The following DNMT3A variants were observed in gnomAD, a reference collection of about 807,000 sequenced individuals.
DNMT3A encodes DNA (cytosine-5)-methyltransferase 3A.
DNMT3A carries 267 observed loss-of-function variants against 117.6 expected under a neutral mutation model. The observed-to-expected ratio is 2.27, with a 90% confidence interval of 2.05 to 2.51. The LOEUF (loss-of-function observed/expected upper bound fraction) is 2.51, where lower values mean the gene tolerates loss of function less well. Ranked by LOEUF, DNMT3A falls within the 30% of genes most tolerant of loss-of-function variation. The probability of loss-of-function intolerance (pLI) is 0.00; values close to 1 mark genes in which losing one functional copy is unlikely to be tolerated. For missense variants in DNMT3A, 1,029 were observed against 1,260.2 expected (o/e 0.82, Z 2.78); for synonymous variants, 432 against 474.8 (o/e 0.91, Z 1.17).
rs539071005 is a variant in DNMT3A at position 25,314,238 on chromosome 2, C to T, written c.-177-77G>A. On this transcript the variant is annotated intron_variant, in intron 1 of 22. Coordinates refer to ENST00000321117, the MANE Select transcript of DNMT3A (RefSeq NM_022552.5). ...GTCAGGCCCTCAGCCCAGGGCCACACCTGGCCTGTGAGGCCTGGGGTGTTG... is the reference window on the plus strand; with the variant it reads ...GTCAGGCCCTCAGCCCAGGGCCACATCTGGCCTGTGAGGCCTGGGGTGTTG... 705 of 1,360,074 alleles carry T rather than the reference C, an allele frequency of 5.2e-4. 1 individual carries two copies. Among genetic ancestry groups the T allele is most frequent in the Non-Finnish European group, 6.0e-4 (636 of 1,058,700 alleles). 84.3% of individuals were successfully genotyped at this position (1,360,074 alleles called of 1,614,324 possible).
chr2:25,251,940 T>C (rs1675614205), intron 6 of DNMT3A: 1 of 489,700 alleles, frequency 2.0e-6, no homozygotes, highest in Non-Finnish European at 3.6e-6. Context: ...CCGGCTGCTC[T>C]TCCTGTCCCC....
In DNMT3A at chr2:25,304,755, C is replaced by A. The variant is rs1482362009; in HGVS notation, c.73-4512G>T. ...ACACTGTGGTCCCAACAGACAGCACCAAGCGCGAAAGCAAACTGCTTCCGG... is the reference window on the plus strand; with the variant it reads ...ACACTGTGGTCCCAACAGACAGCACAAAGCGCGAAAGCAAACTGCTTCCGG... On this transcript the variant is annotated intron_variant, in intron 2 of 22. Transcript: ENST00000321117. The surrounding 1 kb of genome is among the most constrained non-coding windows in gnomAD (Gnocchi z 4.3). Among the ~76,000 whole-genome samples, 1 of 152,244 alleles carries A rather than the reference C, an allele frequency of 6.6e-6. No homozygotes were observed. Among genetic ancestry groups the A allele is most frequent in the Non-Finnish European group, 1.5e-5 (1 of 68,044 alleles).
At chr2:25,259,866 A>G (rs1027484186) in intron 6 of DNMT3A, among the ~76,000 whole-genome samples, 1 of 152,180 alleles carries the variant, frequency 6.6e-6, no homozygotes, top group Non-Finnish European at 1.5e-5. Context: ...TGCGGTAACT[A>G]TTGCTGAAAA....
intron 1 of DNMT3A, among the ~76,000 whole-genome samples, chr2:25,319,674 T>G (rs566687207): frequency 9.2e-5 from 14 of 152,224 alleles, no homozygotes; most frequent in African/African-American, 2.4e-4. Flanking sequence ...TGCCCTCTGC[T>G]GTCGAACTGT....
Position 25,281,558 on chromosome 2 carries a change from A to G in DNMT3A, c.448+883T>C. 3 of 1,062,776 alleles carry G rather than the reference A, an allele frequency of 2.8e-6. No individual in the cohort carries two copies. The highest frequency in any genetic ancestry group is 3.4e-6 in the Non-Finnish European group (3 of 877,650). 65.8% of individuals were successfully genotyped at this position (1,062,776 alleles called of 1,614,324 possible). ...AATTAATCAATTTACTCATTTCATC[A>G]TACACGCTTGGAAGGAAGACTTTTT... On this transcript the variant is annotated intron_variant, in intron 4 of 22. Coordinates refer to ENST00000321117, the MANE Select transcript of DNMT3A (RefSeq NM_022552.5). This position sits in a 1 kb window ranked among gnomAD's most constrained non-coding sequence, Gnocchi z 4.8.
chr2:25,277,734 T>C (rs1266884390), intron 4 of DNMT3A, among the ~76,000 whole-genome samples: 2 of 152,140 alleles, frequency 1.3e-5, no homozygotes, highest in East Asian at 3.9e-4. Context: ...TGAGTACTTG[T>C]TCAGCACTTA....
At chr2:25,240,854 G>A (rs1673945677) in intron 17 of DNMT3A, 124 bp from the exon 18 acceptor site, 4 of 863,514 alleles carry the variant, frequency 4.6e-6, no homozygotes, top group Non-Finnish European at 7.3e-6. Flanking sequence ...AGACCCAGCT[G>A]CTCTGCAGGC....
rs1431844401 is a variant in DNMT3A at position 25,228,406 on chromosome 2, C to T, written c.*5873G>A. 6.6e-6 allele frequency: 1 copy of T among 151,562 alleles called. No individual in the cohort carries two copies. The highest frequency in any genetic ancestry group is 2.4e-5 in the African/African-American group (1 of 41,198). 9.4% of individuals were successfully genotyped at this position (151,562 alleles called of 1,614,324 possible). ...GGAATGTGGAGTAAAAGTGCTCTGC[C>T]ACCGGGGTCAAAGCGAAATCGTCTG... is the stretch of plus-strand genomic sequence containing the variant. On this transcript the variant is annotated 3_prime_UTR_variant, in exon 23 of 23. Transcript: ENST00000321117.
rs1473774283 is a variant in DNMT3A at position 25,228,854 on chromosome 2, C to CA, written c.*5424dup. On this transcript the variant is annotated 3_prime_UTR_variant, in exon 23 of 23. Transcript: ENST00000321117. ...CTAGGGGATGCTTTAGACCGCTGCT[C>CA]ATGTTCTCAGGCACAGGGTTGGAGG... 6.6e-6 allele frequency: 1 copy of CA among 152,236 alleles called. No individual in the cohort carries two copies. The highest frequency in any genetic ancestry group is 1.9e-4 in the East Asian group (1 of 5,196). 9.4% of individuals were successfully genotyped at this position (152,236 alleles called of 1,614,324 possible).
chr2:25,338,093 G>C (rs935766420), intron 1 of DNMT3A, among the ~76,000 whole-genome samples: 1 of 152,228 alleles, frequency 6.6e-6, no homozygotes, highest in Non-Finnish European at 1.5e-5. Flanking sequence ...CGAGCACCAA[G>C]TCCAGGACCC....
In DNMT3A at chr2:25,274,955, G is replaced by C. The variant is rs2031271870; in HGVS notation, c.625C>G (p.Arg209Gly). 1 of 1,611,664 alleles carries C rather than the reference G, an allele frequency of 6.2e-7. No homozygotes were observed. Among genetic ancestry groups the C allele is most frequent in the Non-Finnish European group, 8.5e-7 (1 of 1,178,286 alleles). ...SKRKRDEWLA[R>G]WKREAEKKAK... ...AGGCGCCTCACCTCCCTTTTCCAGC[G>C]TGCCAGCCACTCGTCCCGCTTGCGC... The change falls in exon 6 of 23, where the codon CGC becomes GGC. Residue 209 changes from arginine to glycine, a missense_variant. Transcript: ENST00000321117.
In DNMT3A at chr2:25,339,142, T is replaced by TA. The variant is rs766143471; in HGVS notation, c.-178+2683_-178+2684insT. ...CTCCTTGGAAGCCTTCCCCTATTAC[T>TA]GCCATGTGCCGAAAAACAGACCACC... is the stretch of plus-strand genomic sequence containing the variant. On this transcript the variant is annotated intron_variant, in intron 1 of 22. Coordinates refer to ENST00000321117, the MANE Select transcript of DNMT3A (RefSeq NM_022552.5). This position sits in a 1 kb window ranked among gnomAD's most constrained non-coding sequence, Gnocchi z 4.9. Among the ~76,000 whole-genome samples the TA allele has an allele frequency of 7.9e-5, 12 of 151,968 alleles. No homozygotes were observed. The highest frequency in any genetic ancestry group is 1.8e-4 in the Non-Finnish European group (12 of 67,990).
In DNMT3A at chr2:25,257,989, G is replaced by A. The variant is rs1243174525; in HGVS notation, c.640-9737C>T. 6.6e-6 allele frequency among the ~76,000 whole-genome samples: 1 copy of A among 152,168 alleles called. No individual in the cohort carries two copies. Among genetic ancestry groups the A allele is most frequent in the Non-Finnish European group, 1.5e-5 (1 of 68,034 alleles). ...GAAGGAGATGGAGGTCAGCTCCCTC[G>A]GGGCATGCGTCCCAGGTGAGCCCTC... On this transcript the variant is annotated intron_variant, in intron 6 of 22. Coordinates refer to ENST00000321117, the MANE Select transcript of DNMT3A (RefSeq NM_022552.5). This position sits in a 1 kb window ranked among gnomAD's most constrained non-coding sequence, Gnocchi z 4.8.
rs1573283086 is a variant in DNMT3A at position 25,228,026 on chromosome 2, T to G, written c.*6253A>C. 6.6e-6 allele frequency: 1 copy of G among 151,174 alleles called. No individual in the cohort carries two copies. The highest frequency in any genetic ancestry group is 6.6e-5 in the Admixed American group (1 of 15,196). The allele number at this position is 151,174 out of a possible 1,614,324, so 9.4% of individuals were successfully genotyped here. A position where few individuals can be genotyped will look rare whatever the true frequency, so the allele number is the denominator to read the frequency against. On this transcript the variant is annotated 3_prime_UTR_variant, in exon 23 of 23. Coordinates refer to ENST00000321117, the MANE Select transcript of DNMT3A (RefSeq NM_022552.5). ...TCTACATCTGTTGTACGCATTGACC[T>G]CTTTAATTATTTCATAAACAGCTAT... is the stretch of plus-strand genomic sequence containing the variant.
chr2:25,286,905 CTTG>C lies in DNMT3A; in HGVS notation c.178-4197_178-4195del, dbSNP rs892303412. 6.6e-5 allele frequency among the ~76,000 whole-genome samples: 10 copies of C among 152,222 alleles called. No homozygotes were observed. The highest frequency in any genetic ancestry group is 2.4e-4 in the African/African-American group (10 of 41,456). On this transcript the variant is annotated intron_variant, in intron 3 of 22. Transcript: ENST00000321117. This position sits in a 1 kb window ranked among gnomAD's most constrained non-coding sequence, Gnocchi z 4.3. ...CCCCTCCTTTCCCCTGTCTCCACAGCTTGTTGACCTCTGGAGGGCAGAGACTTT... is the reference window on the plus strand; with the variant it reads ...CCCCTCCTTTCCCCTGTCTCCACAGCTTGACCTCTGGAGGGCAGAGACTTT...
rs2035464973 is a variant in DNMT3A at position 25,341,719 on chromosome 2, C to G, written c.-178+107G>C. The G allele has an allele frequency of 8.7e-6, 7 of 803,968 alleles. No individual in the cohort carries two copies. In the South Asian group the frequency reaches 2.2e-4, roughly 26 times the overall value. 49.8% of individuals were successfully genotyped at this position (803,968 alleles called of 1,614,324 possible). ...GCGCCGAGTTGCAGGGGTCCGGGAG[C>G]GTGCCCCGAGCCGGGCACTGCCAGC... On this transcript the variant is annotated intron_variant, in intron 1 of 22. Transcript: ENST00000321117.
Position 25,313,993 on chromosome 2 carries a change from C to A in DNMT3A, c.-9G>T. On this transcript the variant is annotated 5_prime_UTR_variant, in exon 2 of 23. Coordinates refer to ENST00000321117, the MANE Select transcript of DNMT3A (RefSeq NM_022552.5). The stretch of plus-strand genomic sequence containing the variant: ...GAGGGCATGGCGGGCATCTGGGCGC[C>A]GGGAGGCAGGCTGGGGCTGCGCGGG... 1 of 1,540,154 alleles carries A rather than the reference C, an allele frequency of 6.5e-7. No homozygotes were observed. The highest frequency in any genetic ancestry group is 2.4e-5 in the East Asian group (1 of 41,126).
intron 1 of DNMT3A, among the ~76,000 whole-genome samples, chr2:25,341,220 A>G (rs1025705521): frequency 7.2e-6 from 1 of 139,848 alleles, no homozygotes. Flanking sequence ...CGCCGGGGGG[A>G]GGGGCGGGGG....
intron 6 of DNMT3A, among the ~76,000 whole-genome samples, chr2:25,260,885 T>C (rs1224324399): frequency 6.6e-6 from 1 of 152,136 alleles, no homozygotes. Context: ...TTCCAGCTAC[T>C]TGGGAAGCTG....
Sources: allele counts gnomAD v4.1 joint callset (sites outside exome capture counted in the v4.1 genomes callset), GRCh38; gene constraint gnomAD v4.1.1; non-coding constraint Gnocchi (gnomAD v3.1); transcripts MANE v1.5; gene names NCBI Gene and HGNC (gene_info 2026-07-23, HGNC 2026-07-21).